CPXM2: variants seen among roughly 807,000 people sequenced by gnomAD.
CPXM2 encodes inactive carboxypeptidase-like protein X2.
Under a neutral mutation model 86.1 loss-of-function variants are expected in CPXM2, and 66 were observed. That is an observed-to-expected ratio of 0.77 (90% CI 0.63 to 0.94). The LOEUF is 0.94. Among genes scored for constraint, CPXM2 ranks in the 40% least tolerant of loss-of-function variants. CPXM2 has a pLI of 0.00. For synonymous variants in CPXM2, 388 were observed against 400.2 expected, an observed-to-expected ratio of 0.97 and a Z score of 0.36; for missense variants, 948 against 1,026.3, an observed-to-expected ratio of 0.92 and a Z score of 1.04.
Position 123,766,976 on chromosome 10 carries a change from G to A in CPXM2, c.1476C>T (p.Ala492=). 1 of 1,612,938 alleles carries A rather than the reference G, an allele frequency of 6.2e-7. No homozygotes were observed. ...AIPEWFLSEN[A]TVAAETRAVI... The stretch of plus-strand genomic sequence containing the variant: ...GATGACGGGTATTTTGACTCACCGT[G>A]GCATTTTCCGACAGAAACCACTCAG... Residue 492 remains alanine, a synonymous_variant, in exon 10 of 14, where the codon GCC becomes GCT. Coordinates refer to ENST00000241305, the MANE Select transcript of CPXM2 (RefSeq NM_198148.3).
intron 6 of CPXM2, among the ~76,000 whole-genome samples, chr10:123,782,481 G>A (rs1000794236): frequency 2.6e-5 from 4 of 152,180 alleles, no homozygotes; most frequent in Non-Finnish European, 5.9e-5. Context: ...GCTTCTGAAA[G>A]GTATGGGTAC....
At chr10:123,810,252 A>T (rs574315328) in intron 4 of CPXM2, among the ~76,000 whole-genome samples, 2 of 152,152 alleles carry the variant, frequency 1.3e-5, no homozygotes, top group African/African-American at 4.8e-5. Flanking sequence ...AGCAAAAAGT[A>T]AAATAAAATA....
chr10:123,939,654 C>T (rs1259034874), intron 1 of CPXM2: 1 of 152,300 alleles, frequency 6.6e-6, no homozygotes, highest in Admixed American at 6.5e-5. Flanking sequence ...GTCAGTAGAG[C>T]ACCAGCCCTG....
At chr10:123,813,471 AT>A (rs1847739333) in intron 4 of CPXM2, among the ~76,000 whole-genome samples, 1 of 152,186 alleles carries the variant, frequency 6.6e-6, no homozygotes, top group Non-Finnish European at 1.5e-5. Context: ...GTGTTCTCAG[AT>A]CAATTGCCAA....
At chr10:123,747,344 C>T (rs2133961021) in intron 13 of CPXM2, among the ~76,000 whole-genome samples, 1 of 152,304 alleles carries the variant, frequency 6.6e-6, no homozygotes, top group South Asian at 2.1e-4. Context: ...AAACAGTATG[C>T]CCTCGCCACA....
At chr10:123,859,223 C>A (rs923818070) in intron 3 of CPXM2, among the ~76,000 whole-genome samples, 3 of 152,256 alleles carry the variant, frequency 2.0e-5, no homozygotes, top group African/African-American at 7.2e-5. Context: ...TAGCTCAACA[C>A]GCCTACAAAA....
intron 2 of CPXM2, among the ~76,000 whole-genome samples, chr10:123,919,381 A>C (rs1224984654): frequency 6.6e-6 from 1 of 152,242 alleles, no homozygotes; most frequent in Non-Finnish European, 1.5e-5. Flanking sequence ...TCCAGGATAC[A>C]ATCTAAATTT....
intron 2 of CPXM2, among the ~76,000 whole-genome samples, chr10:123,927,216 C>T (rs1252976168): frequency 6.6e-6 from 1 of 152,324 alleles, no homozygotes; most frequent in East Asian, 1.9e-4. Context: ...ACAGTCTCTC[C>T]TCTTTCTCTA....
intron 2 of CPXM2, among the ~76,000 whole-genome samples, chr10:123,871,320 T>C (rs1944892016): frequency 6.6e-6 from 1 of 152,206 alleles, no homozygotes; most frequent in African/African-American, 2.4e-5. Context: ...GAATTTCCAA[T>C]GCCCAACCAA....
At chr10:123,877,862 T>A (rs1196014675) in intron 2 of CPXM2, among the ~76,000 whole-genome samples, 2 of 152,162 alleles carry the variant, frequency 1.3e-5, no homozygotes, top group Non-Finnish European at 2.9e-5. Flanking sequence ...AAGCTAAAGT[T>A]CCATAAGGAT....
At chr10:123,883,466 C>T (rs1342246163) in intron 1 of CPXM2, among the ~76,000 whole-genome samples, 1 of 152,220 alleles carries the variant, frequency 6.6e-6, no homozygotes, top group Non-Finnish European at 1.5e-5. Flanking sequence ...CAATACCTGC[C>T]ACGGTGGAAG....
intron 2 of CPXM2, among the ~76,000 whole-genome samples, chr10:123,930,321 C>G (rs1372704189): frequency 6.6e-6 from 1 of 152,278 alleles, no homozygotes; most frequent in Non-Finnish European, 1.5e-5. Flanking sequence ...GCAGCACCAT[C>G]TGAACTGGAG....
chr10:123,868,432 AAAAG>A (rs1241348629), intron 2 of CPXM2, among the ~76,000 whole-genome samples: 1 of 152,028 alleles, frequency 6.6e-6, no homozygotes, highest in Non-Finnish European at 1.5e-5. Flanking sequence ...CAGAAATCTC[AAAAG>A]AAAGGCAGAG....
chr10:123,773,766 G>A (rs1034873073), intron 7 of CPXM2, among the ~76,000 whole-genome samples: 2 of 152,292 alleles, frequency 1.3e-5, no homozygotes, highest in Non-Finnish European at 2.9e-5. Flanking sequence ...CTTCAGCAAG[G>A]AAGTGAAATA....
intron 2 of CPXM2, among the ~76,000 whole-genome samples, chr10:123,870,296 T>C (rs1168391113): frequency 6.6e-6 from 1 of 152,088 alleles, no homozygotes; most frequent in Admixed American, 6.5e-5. Context: ...TGATGGTGTT[T>C]GGGGTCACAC....
chr10:123,833,437 G>C (rs1291331125), intron 4 of CPXM2, among the ~76,000 whole-genome samples: 2 of 152,164 alleles, frequency 1.3e-5, no homozygotes, highest in Non-Finnish European at 2.9e-5. Flanking sequence ...GGCCTTTCCT[G>C]GGTGCCCTCT....
chr10:123,859,449 C>T (rs1351099189), intron 3 of CPXM2, among the ~76,000 whole-genome samples: 1 of 152,210 alleles, frequency 6.6e-6, no homozygotes, highest in Non-Finnish European at 1.5e-5. Context: ...CCTGCTGACA[C>T]CTCGATTTAG....
chr10:123,857,984 G>A (rs1385017423), intron 3 of CPXM2, among the ~76,000 whole-genome samples: 1 of 152,156 alleles, frequency 6.6e-6, no homozygotes, highest in African/African-American at 2.4e-5. Context: ...GTGGCCAGGT[G>A]CTGATACTTG....
At chr10:123,801,869 A>G (rs1338357965) in intron 4 of CPXM2, among the ~76,000 whole-genome samples, 1 of 152,174 alleles carries the variant, frequency 6.6e-6, no homozygotes, top group Non-Finnish European at 1.5e-5. Context: ...CTGCCTTTAA[A>G]TTATTCAGAC....
Sources: allele counts gnomAD v4.1 joint callset (sites outside exome capture counted in the v4.1 genomes callset), GRCh38; gene constraint gnomAD v4.1.1; transcripts MANE v1.5; gene names NCBI Gene and HGNC (gene_info 2026-07-23, HGNC 2026-07-21).